Variants in NHEJ1 observed in about 807,000 individuals in gnomAD.
The protein encoded by NHEJ1 is non-homologous end-joining factor 1.
Under a neutral mutation model 39.4 loss-of-function variants are expected in NHEJ1, and 22 were observed. The observed-to-expected ratio is 0.56, with a 90% CI of 0.40 to 0.80. The LOEUF (loss-of-function observed/expected upper bound fraction) is 0.80, where lower values mean the gene tolerates loss of function less well. NHEJ1 is among the 30% of genes least tolerant of loss of function. NHEJ1 has a pLI of 0.00. For missense variants in NHEJ1, 329 were observed against 357.1 expected (o/e 0.92, Z 0.63); for synonymous variants, 154 against 135.6 (o/e 1.14, Z -0.94).
chr2:219,071,347 AG>A lies in NHEJ1; in HGVS notation c.*5033del, dbSNP rs1212463495. 4.6e-5 allele frequency among the ~76,000 whole-genome samples: 7 copies of A among 152,074 alleles called. No homozygotes were observed. The highest frequency in any genetic ancestry group is 1.0e-4 in the Non-Finnish European group (7 of 67,992). Reference sequence around the variant, plus strand: ...AGCTAGGAGGACTCTGGCCCGGGAGAGGGGGGTAGGGGTTAGGCAAACAGGC... The same window carrying A: ...AGCTAGGAGGACTCTGGCCCGGGAGAGGGGGTAGGGGTTAGGCAAACAGGC... On this transcript the variant is annotated 3_prime_UTR_variant, in exon 8 of 8. Transcript: ENST00000356853.
At chr2:219,082,128 T>C (rs1185872096) in intron 5 of NHEJ1, among the ~76,000 whole-genome samples, 1 of 152,204 alleles carries the variant, frequency 6.6e-6, no homozygotes, top group Non-Finnish European at 1.5e-5. Flanking sequence ...TCTGTTACAT[T>C]TACCTAAACT....
At chr2:219,137,921 T>C (rs1276195062) in intron 5 of NHEJ1, among the ~76,000 whole-genome samples, 1 of 152,182 alleles carries the variant, frequency 6.6e-6, no homozygotes, top group African/African-American at 2.4e-5. Context: ...ATACCTTATA[T>C]GCTCACAGAA....
chr2:219,072,168 T>C lies in NHEJ1; in HGVS notation c.*4213A>G, dbSNP rs188794034. ...ATGTTCCGCTCATGGTGAGATCTTCTGAGGCCTTGGCCAAGAACACAAGGA... is the reference window on the plus strand; with the variant it reads ...ATGTTCCGCTCATGGTGAGATCTTCCGAGGCCTTGGCCAAGAACACAAGGA... On this transcript the variant is annotated 3_prime_UTR_variant, in exon 8 of 8. Transcript: ENST00000356853. 9.8e-5 allele frequency among the ~76,000 whole-genome samples: 15 copies of C among 152,338 alleles called. No individual in the cohort carries two copies. The East Asian group carries it at 2.9e-3, about 29-fold the overall frequency.
rs138228738 is a variant in NHEJ1, at chr2:219,115,025, T to C, written c.588+31655A>G. Among the ~76,000 whole-genome samples the C allele has an allele frequency of 4.2e-3, 631 of 152,046 alleles. 3 individuals carry two copies. The highest frequency in any genetic ancestry group is 0.013 in the African/African-American group (527 of 41,474). On this transcript the variant is annotated intron_variant, in intron 5 of 7. Transcript: ENST00000356853. ...TAATTAACAGAAACTGTCACAGGCA[T>C]TGGGGGCCTCCGACGTGTTCAATGC...
intron 5 of NHEJ1, among the ~76,000 whole-genome samples, chr2:219,087,518 C>A (rs1231282344): frequency 1.3e-5 from 2 of 152,146 alleles, no homozygotes; most frequent in Non-Finnish European, 2.9e-5. Context: ...CCAGATTACA[C>A]GCTTGACAGC....
intron 5 of NHEJ1, among the ~76,000 whole-genome samples, chr2:219,114,215 C>G (rs1212921153): frequency 1.3e-5 from 2 of 152,186 alleles, no homozygotes; most frequent in Admixed American, 1.3e-4. Flanking sequence ...GACTCTCCAC[C>G]CATAGCTCCA....
chr2:219,159,564 C>G (rs1283260453), intron 1 of NHEJ1, among the ~76,000 whole-genome samples: 1 of 61,772 alleles, frequency 1.6e-5, no homozygotes, highest in Non-Finnish European at 2.9e-5. Context: ...TATATATATG[C>G]ATATATATAT....
intron 3 of NHEJ1, among the ~76,000 whole-genome samples, chr2:219,148,017 G>T (rs1312898638): frequency 6.6e-6 from 1 of 152,244 alleles, no homozygotes; most frequent in East Asian, 1.9e-4. Context: ...CCAACACTTT[G>T]GAAGGCCAGG....
intron 5 of NHEJ1, among the ~76,000 whole-genome samples, chr2:219,110,181 T>C (rs1220919693): frequency 1.3e-5 from 2 of 152,054 alleles, no homozygotes; most frequent in East Asian, 1.9e-4. Context: ...CCTGCCCTCA[T>C]TGAGAATCCA....
chr2:219,071,576 T>C lies in NHEJ1; in HGVS notation c.*4805A>G, dbSNP rs1325683837. Among the ~76,000 whole-genome samples the C allele has an allele frequency of 6.6e-6, 1 of 152,222 alleles. No individual in the cohort carries two copies. The highest frequency in any genetic ancestry group is 1.9e-4 in the East Asian group (1 of 5,202). The stretch of plus-strand genomic sequence containing the variant: ...TTCAGAAGGGACTCCCAGCAGCCCC[T>C]GAACCCTACTCCCCAATTCTAACTC... On this transcript the variant is annotated 3_prime_UTR_variant, in exon 8 of 8. Transcript: ENST00000356853.
chr2:219,119,667 C>T (rs1353698124), intron 5 of NHEJ1, among the ~76,000 whole-genome samples: 2 of 152,232 alleles, frequency 1.3e-5, no homozygotes, highest in Admixed American at 6.5e-5. Context: ...TAGAACAGAT[C>T]TTTGAATTGA....
chr2:219,073,889 G>A lies in NHEJ1; in HGVS notation c.*2492C>T, dbSNP rs1384971643. 6.6e-6 allele frequency among the ~76,000 whole-genome samples: 1 copy of A among 152,260 alleles called. No individual in the cohort carries two copies. The highest frequency in any genetic ancestry group is 1.5e-5 in the Non-Finnish European group (1 of 68,048). Reference sequence around the variant, plus strand: ...TTCGACCCTTTTATGTGCATGTAGAGTGGGGGTTGGGCCAGGCTGGGGGCC... The same window carrying A: ...TTCGACCCTTTTATGTGCATGTAGAATGGGGGTTGGGCCAGGCTGGGGGCC... On this transcript the variant is annotated 3_prime_UTR_variant, in exon 8 of 8. Coordinates refer to ENST00000356853, the MANE Select transcript of NHEJ1 (RefSeq NM_024782.3).
At position 219,157,508 on chromosome 2, in the gene NHEJ1, A is replaced by G; in HGVS notation, c.354T>C (p.Tyr118=). Residue 118 remains tyrosine, a synonymous_variant, in exon 3 of 8, where the codon TAT becomes TAC. Coordinates refer to ENST00000356853, the MANE Select transcript of NHEJ1 (RefSeq NM_024782.3). ...VRSELSGLPF[Y]WNFHCMLASP... is the part of the protein sequence containing the mutation. ...TAGCTAGCATGCAGTGGAAATTCCA[A>G]TAGAAGGGGAGGCCAGAGAGCTCAC... is the stretch of plus-strand genomic sequence containing the variant. 1 of 1,614,136 alleles carries G rather than the reference A, an allele frequency of 6.2e-7. No individual in the cohort carries two copies. The highest frequency in any genetic ancestry group is 8.5e-7 in the Non-Finnish European group (1 of 1,180,048).
rs1453328078 is a variant in NHEJ1, at chr2:219,079,123, CG to C, written c.589-918del. ...TAGTTTCATACACTTGGCTGAACTG[CG>C]TTGAGGTAATGGCTGAAGACTGAAC... On this transcript the variant is annotated intron_variant, in intron 5 of 7. Coordinates refer to ENST00000356853, the MANE Select transcript of NHEJ1 (RefSeq NM_024782.3). 2.6e-5 allele frequency among the ~76,000 whole-genome samples: 4 copies of C among 152,252 alleles called. No homozygotes were observed. In the East Asian group the frequency reaches 7.7e-4, roughly 29 times the overall value.
At position 219,111,642 on chromosome 2, in the gene NHEJ1, C is replaced by CACACAT. The variant is rs1430869297; in HGVS notation, c.589-33437_589-33436insATGTGT. Among the ~76,000 whole-genome samples the CACACAT allele has an allele frequency of 2.0e-5, 3 of 151,288 alleles. No homozygotes were observed. The highest frequency in any genetic ancestry group is 7.3e-5 in the African/African-American group (3 of 40,982). ...GTGTGAATACAGACACACACACACA[C>CACACAT]ACACACACACACACACACACAGAGA... On this transcript the variant is annotated intron_variant, in intron 5 of 7. Coordinates refer to ENST00000356853, the MANE Select transcript of NHEJ1 (RefSeq NM_024782.3). This position sits in a 1 kb window ranked among gnomAD's most constrained non-coding sequence, Gnocchi z 4.1.
At chr2:219,093,117 T>C (rs908228706) in intron 5 of NHEJ1, among the ~76,000 whole-genome samples, 1 of 152,208 alleles carries the variant, frequency 6.6e-6, no homozygotes, top group Non-Finnish European at 1.5e-5. Flanking sequence ...TATAATCGGT[T>C]CAGGGTACGT....
At position 219,076,093 on chromosome 2, in the gene NHEJ1, T is replaced by A. The variant is rs1395243930; in HGVS notation, c.*288A>T. The A allele has an allele frequency of 8.7e-6, 5 of 574,462 alleles. No individual in the cohort carries two copies. Among genetic ancestry groups the A allele is most frequent in the South Asian group, 7.7e-5 (3 of 39,162 alleles). 35.6% of individuals were successfully genotyped at this position (574,462 alleles called of 1,614,324 possible). A position where few individuals can be genotyped will look rare whatever the true frequency, so the allele number is the denominator to read the frequency against. Reference sequence around the variant, plus strand: ...AAGGCTTCCTGAGTGTGTGGTGCTTTCTTGCTGACTTGCCCTATATACCTA... The same window carrying A: ...AAGGCTTCCTGAGTGTGTGGTGCTTACTTGCTGACTTGCCCTATATACCTA... On this transcript the variant is annotated 3_prime_UTR_variant, in exon 8 of 8. Transcript: ENST00000356853.
At chr2:219,080,953 A>C (rs1195856415) in intron 5 of NHEJ1, among the ~76,000 whole-genome samples, 1 of 152,024 alleles carries the variant, frequency 6.6e-6, no homozygotes, top group Non-Finnish European at 1.5e-5. Flanking sequence ...CCACACATAT[A>C]ATTACTATCC....
At chr2:219,156,200 G>A (rs1949853706) in intron 3 of NHEJ1, among the ~76,000 whole-genome samples, 3 of 152,136 alleles carry the variant, frequency 2.0e-5, no homozygotes, top group Non-Finnish European at 4.4e-5. Flanking sequence ...AGTGAGCTGA[G>A]ATCACACCAC....
Sources: allele counts gnomAD v4.1 joint callset (sites outside exome capture counted in the v4.1 genomes callset), GRCh38; gene constraint gnomAD v4.1.1; non-coding constraint Gnocchi (gnomAD v3.1); transcripts MANE v1.5; gene names NCBI Gene and HGNC (gene_info 2026-07-23, HGNC 2026-07-21).